The following IGSF11 variants were observed in gnomAD, a reference collection of about 807,000 sequenced individuals.
The protein encoded by IGSF11 is CXADR like 1.
In IGSF11, 22 loss-of-function variants were observed where a neutral mutation model predicts 41.0. The ratio of observed to expected loss-of-function variants is 0.54; its 90% CI spans 0.38 to 0.77. The LOEUF (loss-of-function observed/expected upper bound fraction) is 0.77. Among genes scored for constraint, IGSF11 ranks in the 30% least tolerant of loss-of-function variants. The pLI, the probability that IGSF11 is intolerant of heterozygous loss-of-function variation, is 0.00. For synonymous variants in IGSF11, 219 were observed against 201.3 expected (o/e 1.09, Z -0.74); for missense variants, 444 against 530.8 (o/e 0.84, Z 1.61).
At chr3:119,011,945 C>CTCTGTGTG (rs144200736) in intron 1 of IGSF11, among the ~76,000 whole-genome samples, 53 of 148,592 alleles carry the variant, frequency 3.6e-4, no homozygotes, top group African/African-American at 8.8e-4. Flanking sequence ...ATATAGTGTT[C>CTCTGTGTG]TGTGTGTGTG....
chr3:119,101,081 T>C (rs2076932528), intron 1 of IGSF11, among the ~76,000 whole-genome samples: 1 of 152,244 alleles, frequency 6.6e-6, no homozygotes, highest in Non-Finnish European at 1.5e-5. Context: ...ATCTGACTGA[T>C]AATACTTCCA....
chr3:119,065,020 T>A (rs75016434), intron 1 of IGSF11, among the ~76,000 whole-genome samples: 3,034 of 152,296 alleles, frequency 0.02, 98 homozygotes, highest in African/African-American at 0.07. Flanking sequence ...TTATTGTACT[T>A]CCTGAGACCT....
chr3:119,010,467 C>T (rs1937985361), intron 1 of IGSF11, among the ~76,000 whole-genome samples: 1 of 152,190 alleles, frequency 6.6e-6, no homozygotes, highest in Admixed American at 6.5e-5. Flanking sequence ...AAGAGATTAG[C>T]ATTTTAATTG....
intron 1 of IGSF11, among the ~76,000 whole-genome samples, chr3:119,017,906 C>T (rs1263416091): frequency 6.6e-6 from 1 of 151,326 alleles, no homozygotes. Context: ...CCTCAGCCTC[C>T]CTAGTACCTG....
In IGSF11 at chr3:118,902,261, T is replaced by A; in HGVS notation, c.*259A>T. ...TTAAGTACTATTCTGCTCTTGTATC[T>A]TTTTCCTTGGCTTGGCACATCTTTG... On this transcript the variant is annotated 3_prime_UTR_variant, in exon 7 of 7. Transcript: ENST00000393775. 1 of 425,958 alleles carries A rather than the reference T, an allele frequency of 2.3e-6. No individual in the cohort carries two copies. The highest frequency in any genetic ancestry group is 4.0e-5 in the South Asian group (1 of 25,124). The allele number at this position is 425,958 out of a possible 1,614,324, so 26.4% of individuals were successfully genotyped here. A position where few individuals can be genotyped will look rare whatever the true frequency, so the allele number is the denominator to read the frequency against.
intron 1 of IGSF11, among the ~76,000 whole-genome samples, chr3:118,933,123 A>G (rs917675568): frequency 1.3e-5 from 2 of 152,206 alleles, no homozygotes; most frequent in Non-Finnish European, 1.5e-5. Context: ...CATAAGGTCA[A>G]TCCTAAAATC....
upstream of IGSF11, among the ~76,000 whole-genome samples, chr3:119,036,518 A>G (rs1307686898): frequency 6.6e-6 from 1 of 152,214 alleles, no homozygotes; most frequent in Admixed American, 6.5e-5. Flanking sequence ...TGTCACCATA[A>G]TCCCAGATAT....
chr3:119,031,072 C>T (rs1366824545), intron 1 of IGSF11, among the ~76,000 whole-genome samples: 2 of 152,064 alleles, frequency 1.3e-5, no homozygotes, highest in African/African-American at 2.4e-5. Flanking sequence ...GCCTGGCCAA[C>T]GTGGTGAAAC....
At chr3:119,134,788 C>G (rs144025848) in intron 1 of IGSF11, among the ~76,000 whole-genome samples, 1 of 152,090 alleles carries the variant, frequency 6.6e-6, no homozygotes, top group Admixed American at 6.6e-5. Flanking sequence ...GGAGGCATCA[C>G]GCTACCTGAC....
At chr3:119,003,542 G>C (rs1160889117) in intron 1 of IGSF11, among the ~76,000 whole-genome samples, 1 of 151,126 alleles carries the variant, frequency 6.6e-6, no homozygotes, top group Non-Finnish European at 1.5e-5. Flanking sequence ...GGGCATCCCT[G>C]TTTTCAAAGG....
intron 1 of IGSF11, among the ~76,000 whole-genome samples, chr3:119,078,016 G>T (rs1368543777): frequency 6.6e-6 from 1 of 152,072 alleles, no homozygotes; most frequent in Non-Finnish European, 1.5e-5. Flanking sequence ...AAAGAAATCA[G>T]CAATGGCACA....
chr3:118,925,685 A>G (rs1486470738), intron 4 of IGSF11, among the ~76,000 whole-genome samples: 1 of 151,924 alleles, frequency 6.6e-6, no homozygotes, highest in Non-Finnish European at 1.5e-5. Flanking sequence ...TCCTCCTCTA[A>G]CCAGATTTGA....
intron 1 of IGSF11, among the ~76,000 whole-genome samples, chr3:119,074,846 C>T (rs559519381): frequency 7.3e-5 from 11 of 151,594 alleles, no homozygotes; most frequent in East Asian, 3.9e-4. Flanking sequence ...AGCGAGACTC[C>T]GTCTCAAAAA....
chr3:119,132,216 G>A (rs569137909), intron 1 of IGSF11, among the ~76,000 whole-genome samples: 2 of 151,972 alleles, frequency 1.3e-5, no homozygotes, highest in South Asian at 2.1e-4. Flanking sequence ...AACCTTAAAT[G>A]TAAATGGGCT....
At position 119,111,155 on chromosome 3, in the gene IGSF11, A is replaced by G. The variant is rs541691357; in HGVS notation, c.-13-5950T>C. ...GTTGGCCTGCCTTGCTAGATTGGGGAAGTTCTCCTGGATAATATCCTGCAG... is the reference window on the plus strand; with the variant it reads ...GTTGGCCTGCCTTGCTAGATTGGGGGAGTTCTCCTGGATAATATCCTGCAG... On this transcript the variant is annotated intron_variant, in intron 1 of 7. Transcript: ENST00000425327. 3.6e-3 allele frequency among the ~76,000 whole-genome samples: 551 copies of G among 152,104 alleles called. 2 individuals are homozygous for G. The highest frequency in any genetic ancestry group is 0.012 in the African/African-American group (515 of 41,480).
At chr3:119,047,521 G>C (rs970998046) in intron 1 of IGSF11, among the ~76,000 whole-genome samples, 2 of 152,282 alleles carry the variant, frequency 1.3e-5, no homozygotes, top group South Asian at 2.1e-4. Context: ...CCTACAAAGA[G>C]ACTTAGACTC....
At chr3:119,057,172 GA>G (rs1405912519) in intron 1 of IGSF11, among the ~76,000 whole-genome samples, 3 of 152,122 alleles carry the variant, frequency 2.0e-5, no homozygotes, top group Non-Finnish European at 2.9e-5. Context: ...AGGAAAAGAG[GA>G]AGTCAAATTG....
At chr3:119,136,426 A>G (rs2077562787) in intron 1 of IGSF11, among the ~76,000 whole-genome samples, 1 of 152,176 alleles carries the variant, frequency 6.6e-6, no homozygotes, top group Non-Finnish European at 1.5e-5. Context: ...TGCCAATAAG[A>G]AACACACTTC....
intron 1 of IGSF11, among the ~76,000 whole-genome samples, chr3:119,058,211 T>G (rs1435829856): frequency 2.0e-5 from 3 of 151,814 alleles, no homozygotes; most frequent in African/African-American, 4.8e-5. Context: ...AGAAAATTTT[T>G]GCAACCTACT....
Sources: allele counts gnomAD v4.1 joint callset (sites outside exome capture counted in the v4.1 genomes callset), GRCh38; gene constraint gnomAD v4.1.1; transcripts MANE v1.5; gene names NCBI Gene and HGNC (gene_info 2026-07-23, HGNC 2026-07-21).